The following MSH3 variants were observed in gnomAD, a reference collection of about 807,000 sequenced individuals.
MSH3 encodes mutS homolog 3.
MSH3 carries 106 observed loss-of-function variants against 123.3 expected under a neutral mutation model. The ratio of observed to expected loss-of-function variants is 0.86; its 90% CI spans 0.73 to 1.01. The LOEUF (loss-of-function observed/expected upper bound fraction) is 1.01, where lower values mean the gene tolerates loss of function less well. Among genes scored for constraint, MSH3 ranks in the 50% least tolerant of loss-of-function variants. The pLI is 0.00. For synonymous variants in MSH3, 515 were observed against 481.4 expected (o/e 1.07, Z -0.91); for missense variants, 1,459 against 1,347.6 (o/e 1.08, Z -1.29).
chr5:80,876,642 GAAAAA>G lies in MSH3; in HGVS notation c.*782_*786del, dbSNP rs1746314089. Among the ~76,000 whole-genome samples, 1 of 147,730 alleles carries G rather than the reference GAAAAA, an allele frequency of 6.8e-6. No individual in the cohort carries two copies. Among genetic ancestry groups the G allele is most frequent in the Non-Finnish European group, 1.5e-5 (1 of 66,508 alleles). On this transcript the variant is annotated 3_prime_UTR_variant, in exon 24 of 24. Transcript: ENST00000265081. Reference sequence around the variant, plus strand: ...AGACTCCATCTCAAAAAAAAAAAAAGAAAAAAGAAAAGAAATAGAATTATCAAGCT... The same window carrying G: ...AGACTCCATCTCAAAAAAAAAAAAAGAGAAAAGAAATAGAATTATCAAGCT...
At chr5:80,854,401 A>G (rs1745882436) in intron 21 of MSH3, 85 bp downstream of exon 21, 5 of 1,202,224 alleles carry the variant, frequency 4.2e-6, no homozygotes, top group Non-Finnish European at 6.1e-6. Flanking sequence ...TGCCATATTT[A>G]TGGGGTACAA....
Position 80,758,108 on chromosome 5 carries a change from G to T in MSH3, c.1764-3438G>T, listed in dbSNP as rs558349397. 4.7e-4 allele frequency among the ~76,000 whole-genome samples: 71 copies of T among 152,290 alleles called. 1 individual carries two copies. The highest frequency in any genetic ancestry group is 9.0e-4 in the Non-Finnish European group (61 of 68,016). On this transcript the variant is annotated intron_variant, in intron 12 of 23. Transcript: ENST00000265081. ...CAGTCTCAGCACAGCGAGTACTTCAGATCATTACTACTTGTCAGGTTTAGC... is the reference window on the plus strand; with the variant it reads ...CAGTCTCAGCACAGCGAGTACTTCATATCATTACTACTTGTCAGGTTTAGC...
chr5:80,833,366 T>C (rs931447958), intron 20 of MSH3, among the ~76,000 whole-genome samples: 1 of 152,214 alleles, frequency 6.6e-6, no homozygotes, highest in African/African-American at 2.4e-5. Context: ...ATCTCTAACA[T>C]ATTTTAACAT....
At chr5:80,817,515 ATGGGATATCCAG>A (rs1385583972) in intron 20 of MSH3, among the ~76,000 whole-genome samples, 1 of 152,202 alleles carries the variant, frequency 6.6e-6, no homozygotes, top group African/African-American at 2.4e-5. Flanking sequence ...ACGTACTTCA[ATGGGATATCCAG>A]TGGGATATGT....
chr5:80,716,183 T>C (rs1750956789), intron 8 of MSH3, among the ~76,000 whole-genome samples: 1 of 152,290 alleles, frequency 6.6e-6, no homozygotes, highest in Admixed American at 6.5e-5. Context: ...ATAGACTCTA[T>C]TTCAGAATTG....
In MSH3 at chr5:80,675,004, T is replaced by C. The variant is rs1200613814; in HGVS notation, c.1049T>C (p.Leu350Pro). ...TTAAATGTGAATCCCCTAATCAAGC[T>C]GGATGATGCTGTAAATGTTGATGAG... ...IGEDVNPLIK[L>P]DDAVNVDEIM... The change falls in exon 7 of 24, where the codon CTG (leucine) becomes CCG (proline). Residue 350 changes from leucine (L) to proline (P), a missense_variant. Leu to Pro is a moderately conservative substitution (Grantham distance 98). Transcript: ENST00000265081. 6.2e-7 allele frequency: 1 copy of C among 1,609,238 alleles called. No homozygotes were observed. The highest frequency in any genetic ancestry group is 2.2e-5 in the East Asian group (1 of 44,760).
intron 8 of MSH3, among the ~76,000 whole-genome samples, chr5:80,723,182 A>G (rs1751123405): frequency 6.6e-6 from 1 of 152,146 alleles, no homozygotes; most frequent in Non-Finnish European, 1.5e-5. Flanking sequence ...TGAACCTAAA[A>G]TTCACAAAGA....
chr5:80,784,226 AAAAAAAAAAAAAAG>A (rs1403323934), intron 17 of MSH3, among the ~76,000 whole-genome samples: 10 of 139,284 alleles, frequency 7.2e-5, no homozygotes, highest in South Asian at 2.2e-4. Context: ...AAAAAAAAAA[AAAAAAAAAAAAAAG>A]GGAAATAAAT....
intron 20 of MSH3, among the ~76,000 whole-genome samples, chr5:80,824,364 G>T (rs1745255029): frequency 1.3e-5 from 2 of 150,604 alleles, no homozygotes; most frequent in South Asian, 2.1e-4. Flanking sequence ...GCCGGGTGGG[G>T]GCTGCCCCCC....
At chr5:80,744,189 C>T (rs1743672636) in intron 11 of MSH3, among the ~76,000 whole-genome samples, 1 of 152,048 alleles carries the variant, frequency 6.6e-6, no homozygotes. Context: ...AGTCATCTTC[C>T]TATGTTGTAT....
At chr5:80,842,481 C>G (rs920976490) in intron 20 of MSH3, among the ~76,000 whole-genome samples, 77 of 152,130 alleles carry the variant, frequency 5.1e-4, no homozygotes, top group African/African-American at 1.8e-3. Flanking sequence ...AGCACTGAAT[C>G]TATAAATTAC....
At chr5:80,743,524 T>A (rs1743654897) in intron 11 of MSH3, among the ~76,000 whole-genome samples, 1 of 151,932 alleles carries the variant, frequency 6.6e-6, no homozygotes, top group Admixed American at 6.6e-5. Flanking sequence ...AGTAGCTACT[T>A]ACAGAGGAGA....
At chr5:80,739,151 G>C (rs1743567203) in intron 10 of MSH3, among the ~76,000 whole-genome samples, 1 of 152,210 alleles carries the variant, frequency 6.6e-6, no homozygotes, top group Non-Finnish European at 1.5e-5. Flanking sequence ...ATGTTAACTA[G>C]TCACCCCTAG....
At chr5:80,862,190 C>A (rs528941061) in intron 21 of MSH3, among the ~76,000 whole-genome samples, 20 of 152,210 alleles carry the variant, frequency 1.3e-4, no homozygotes, top group Admixed American at 5.2e-4. Flanking sequence ...GGAGAAGGAG[C>A]ACCATGGAGA....
chr5:80,695,087 G>T (rs1449476635), intron 8 of MSH3, among the ~76,000 whole-genome samples: 105 of 115,228 alleles, frequency 9.1e-4, no homozygotes, highest in Middle Eastern at 5.1e-3. Flanking sequence ...TTTTTTTGTT[G>T]TTTTTTTTTT....
rs143879323 is a variant in MSH3 at position 80,720,053 on chromosome 5, T to C, written c.1341-5400T>C. Among the ~76,000 whole-genome samples the C allele has an allele frequency of 1.7e-3, 262 of 152,324 alleles. 3 individuals are homozygous for C. The highest frequency in any genetic ancestry group is 6.0e-3 in the African/African-American group (249 of 41,584). ...TTTGGGTATAGCTCTCTGTGGCCTT[T>C]ATACATGGAAGATTGGCTAAGCTTA... On this transcript the variant is annotated intron_variant, in intron 8 of 23. Transcript: ENST00000265081.
At position 80,734,876 on chromosome 5, in the gene MSH3, C is replaced by T. The variant is rs192308261; in HGVS notation, c.1568+5911C>T. The stretch of plus-strand genomic sequence containing the variant: ...TGTTTACCTCATTTGTTTTTCCTCT[C>T]TCAGGGTCACGGTTCTGCACCAAGT... On this transcript the variant is annotated intron_variant, in intron 10 of 23. Transcript: ENST00000265081. 1.7e-3 allele frequency among the ~76,000 whole-genome samples: 261 copies of T among 152,292 alleles called. 2 individuals are homozygous for T. The highest frequency in any genetic ancestry group is 6.0e-3 in the African/African-American group (248 of 41,564).
intron 19 of MSH3, among the ~76,000 whole-genome samples, chr5:80,804,810 G>T (rs1744859795): frequency 6.6e-6 from 1 of 152,184 alleles, no homozygotes; most frequent in Admixed American, 6.5e-5. Context: ...AGGTCCTAGG[G>T]TCTACAGTCA....
chr5:80,660,196 T>C (rs1266681760), intron 2 of MSH3, among the ~76,000 whole-genome samples: 1 of 151,952 alleles, frequency 6.6e-6, no homozygotes, highest in Non-Finnish European at 1.5e-5. Flanking sequence ...GGCACTTCTT[T>C]TTTTTTTTTT....
Sources: allele counts gnomAD v4.1 joint callset (sites outside exome capture counted in the v4.1 genomes callset), GRCh38; gene constraint gnomAD v4.1.1; transcripts MANE v1.5; gene names NCBI Gene and HGNC (gene_info 2026-07-23, HGNC 2026-07-21).